The following ABTB3 variants were observed in gnomAD, a reference collection of about 807,000 sequenced individuals.
ABTB3 encodes ankyrin repeat and BTB domain containing 3.
chr12:107,494,471 C>A, the ABTB3 span, among the ~76,000 whole-genome samples: 3 of 152,080 alleles, frequency 2.0e-5, no homozygotes, highest in Non-Finnish European at 1.5e-5. Context: ...AAGGCCAGGG[C>A]TGTTTTGCAC....
the ABTB3 span, among the ~76,000 whole-genome samples, chr12:107,567,256 C>T: frequency 6.9e-4 from 105 of 152,310 alleles, no homozygotes; most frequent in Non-Finnish European, 1.1e-3. Flanking sequence ...GTCGCCCTTG[C>T]GGGTATAGGA....
the ABTB3 span, among the ~76,000 whole-genome samples, chr12:107,387,969 CTTCTT>C: frequency 4.8e-4 from 64 of 133,252 alleles, no homozygotes; most frequent in African/African-American, 1.8e-3. Flanking sequence ...TCTTCTTCTT[CTTCTT>C]TTTTTTTTTT....
the ABTB3 span, among the ~76,000 whole-genome samples, chr12:107,424,655 AAAGG>A: frequency 3.3e-5 from 5 of 152,178 alleles, no homozygotes; most frequent in East Asian, 1.9e-4. Flanking sequence ...TGTAAGGAAA[AAAGG>A]AAGGAAGAGT....
chr12:107,428,691 T>C, the ABTB3 span, among the ~76,000 whole-genome samples: 2 of 152,216 alleles, frequency 1.3e-5, no homozygotes, highest in African/African-American at 4.8e-5. Context: ...ATCAAAAACT[T>C]ACAACCAAAT....
chr12:107,638,145 G>A, the ABTB3 span, among the ~76,000 whole-genome samples: 71 of 152,124 alleles, frequency 4.7e-4, 1 homozygote, highest in African/African-American at 7.2e-4. Context: ...GATTTTTACC[G>A]TTTATACTTT....
At chr12:107,610,260 C>T in the ABTB3 span, 13,881 of 1,614,120 alleles carry the variant, frequency 8.6e-3, 1,075 homozygotes, top group African/African-American at 0.16. Flanking sequence ...TAAGCAGGAC[C>T]TGGGTTTCCG....
chr12:107,469,625 G>A, the ABTB3 span, among the ~76,000 whole-genome samples: 8 of 152,194 alleles, frequency 5.3e-5, no homozygotes, highest in Non-Finnish European at 1.0e-4. Flanking sequence ...AAGCCACAGA[G>A]TTGAGGTTCC....
the ABTB3 span, among the ~76,000 whole-genome samples, chr12:107,626,343 C>CTTTTTTTTTTTTTTTTTTTTTTTTTT: frequency 1.6e-4 from 18 of 112,508 alleles, 1 homozygote; most frequent in African/African-American, 6.0e-4. Flanking sequence ...CTATCGTCAT[C>CTTTTTTTTTTTTTTTTTTTTTTTTTT]TTTTTTTTTT....
At chr12:107,578,254 G>T in the ABTB3 span, among the ~76,000 whole-genome samples, 1 of 152,112 alleles carries the variant, frequency 6.6e-6, no homozygotes, top group Non-Finnish European at 1.5e-5. Flanking sequence ...TGAAAGGAGA[G>T]AATAGGTACA....
chr12:107,517,862 T>A, the ABTB3 span, among the ~76,000 whole-genome samples: 2 of 152,174 alleles, frequency 1.3e-5, no homozygotes, highest in South Asian at 4.2e-4. Context: ...TGCAATCTAC[T>A]CATCTGACAA....
the ABTB3 span, among the ~76,000 whole-genome samples, chr12:107,643,623 C>A: frequency 7.8e-6 from 1 of 128,792 alleles, no homozygotes; most frequent in African/African-American, 3.1e-5. Flanking sequence ...TGAATGGCAG[C>A]TGTTGGGTTG....
chr12:107,490,785 G>A, the ABTB3 span, among the ~76,000 whole-genome samples: 6 of 152,170 alleles, frequency 3.9e-5, no homozygotes, highest in Non-Finnish European at 8.8e-5. Context: ...ATCTATAACA[G>A]AGGATCAGAT....
chr12:107,557,620 G>A, the ABTB3 span, among the ~76,000 whole-genome samples: 1 of 152,260 alleles, frequency 6.6e-6, no homozygotes, highest in East Asian at 1.9e-4. Flanking sequence ...TTAAGTGCCA[G>A]CTATAAGCAC....
the ABTB3 span, among the ~76,000 whole-genome samples, chr12:107,614,726 A>G: frequency 6.6e-6 from 1 of 152,224 alleles, no homozygotes; most frequent in Non-Finnish European, 1.5e-5. Context: ...AGTCCTTCTT[A>G]TGCACAAAGG....
At chr12:107,318,698 G>C in the ABTB3 span, 2 of 474,168 alleles carry the variant, frequency 4.2e-6, no homozygotes, top group Non-Finnish European at 7.4e-6. Flanking sequence ...GGCCTGGCTC[G>C]CTCCCCATTG....
the ABTB3 span, among the ~76,000 whole-genome samples, chr12:107,464,216 T>A: frequency 2.7e-4 from 5 of 18,246 alleles, no homozygotes; most frequent in Admixed American, 1.9e-3. Context: ...AGTGTGTGTG[T>A]GTGTGTGTGT....
chr12:107,622,024 T>C, the ABTB3 span, among the ~76,000 whole-genome samples: 1 of 152,152 alleles, frequency 6.6e-6, no homozygotes, highest in Non-Finnish European at 1.5e-5. Flanking sequence ...GAGGATTGCT[T>C]GAGCCCAGGA....
At chr12:107,366,396 GA>G in the ABTB3 span, among the ~76,000 whole-genome samples, 2 of 152,050 alleles carry the variant, frequency 1.3e-5, no homozygotes, top group African/African-American at 4.8e-5. Flanking sequence ...TTACAAGGAA[GA>G]AAAAAGGAAG....
At chr12:107,400,819 C>T in the ABTB3 span, among the ~76,000 whole-genome samples, 2 of 152,096 alleles carry the variant, frequency 1.3e-5, no homozygotes, top group African/African-American at 2.4e-5. Context: ...AATCTCCCTT[C>T]GCTGGTTTGT....
Sources: allele counts gnomAD v4.1 joint callset (sites outside exome capture counted in the v4.1 genomes callset), GRCh38; gene constraint gnomAD v4.1.1; transcripts MANE v1.5; gene names NCBI Gene and HGNC (gene_info 2026-07-23, HGNC 2026-07-21).